The following NTN4 variants were observed in gnomAD, a reference collection of about 807,000 sequenced individuals.
NTN4 encodes the protein netrin-4.
NTN4 carries 32 observed loss-of-function variants against 73.6 expected under a neutral mutation model. That is an observed-to-expected ratio of 0.44 (90% CI 0.33 to 0.58). NTN4 has a LOEUF of 0.58. NTN4 is among the 20% of genes least tolerant of loss of function. NTN4 has a pLI of 0.04. For synonymous variants in NTN4, 258 were observed against 287.5 expected (o/e 0.90, Z 1.04); for missense variants, 654 against 798.3 (o/e 0.82, Z 2.18).
intron 2 of NTN4, among the ~76,000 whole-genome samples, chr12:95,760,597 T>G (rs2078980239): frequency 6.6e-6 from 1 of 152,130 alleles, no homozygotes; most frequent in Admixed American, 6.6e-5. Flanking sequence ...GGGGCAATTG[T>G]AGGGATTGTT....
Position 95,713,154 on chromosome 12 carries a change from C to T in NTN4, c.991+58G>A, listed in dbSNP as rs1017535269. ...TGTATTTCTAGAGACAACAAGGAGTCCACAGATGCGTTGACTTTACAAAGA... is the reference window on the plus strand; with the variant it reads ...TGTATTTCTAGAGACAACAAGGAGTTCACAGATGCGTTGACTTTACAAAGA... On this transcript the variant is annotated intron_variant, in intron 4 of 9. Transcript: ENST00000343702. 2.8e-5 allele frequency: 45 copies of T among 1,579,956 alleles called. No homozygotes were observed. The South Asian group carries it at 4.9e-4, about 17-fold the overall frequency.
chr12:95,746,841 G>A (rs2078866592), intron 2 of NTN4, among the ~76,000 whole-genome samples: 1 of 152,070 alleles, frequency 6.6e-6, no homozygotes, highest in African/African-American at 2.4e-5. Context: ...CACCTCATTT[G>A]TTTCCCTTCT....
intron 9 of NTN4, among the ~76,000 whole-genome samples, chr12:95,664,812 T>A (rs985930375): frequency 6.6e-6 from 1 of 152,026 alleles, no homozygotes; most frequent in Non-Finnish European, 1.5e-5. Flanking sequence ...GGGGTTTCAC[T>A]GTGTTGGCCA....
At chr12:95,664,623 GT>G (rs11396133) in intron 9 of NTN4, among the ~76,000 whole-genome samples, 4 of 151,166 alleles carry the variant, frequency 2.6e-5, no homozygotes, top group Non-Finnish European at 5.9e-5. Context: ...AAAAGACTTT[GT>G]TTTTTTGAGA....
intron 2 of NTN4, among the ~76,000 whole-genome samples, chr12:95,774,529 C>T (rs980230859): frequency 1.3e-5 from 2 of 152,222 alleles, no homozygotes; most frequent in Non-Finnish European, 2.9e-5. Context: ...AAGTAGTTAA[C>T]TGAACAGTCA....
At chr12:95,662,644 C>A (rs1592804857) in intron 9 of NTN4, among the ~76,000 whole-genome samples, 1 of 151,896 alleles carries the variant, frequency 6.6e-6, no homozygotes, top group East Asian at 1.9e-4. Context: ...CTGGAGAGTA[C>A]AATGTAAAAT....
chr12:95,741,493 G>C (rs1266805497), intron 2 of NTN4, among the ~76,000 whole-genome samples: 1 of 118,050 alleles, frequency 8.5e-6, no homozygotes, highest in Non-Finnish European at 1.7e-5. Flanking sequence ...TGCCAACCTG[G>C]AGGATTGTTA....
chr12:95,745,304 T>C (rs543890943), intron 2 of NTN4, among the ~76,000 whole-genome samples: 1 of 152,328 alleles, frequency 6.6e-6, no homozygotes, highest in South Asian at 2.1e-4. Flanking sequence ...TGCCTGAAGC[T>C]GTCCCAGAGC....
At chr12:95,778,044 C>A (rs1312145885) in intron 2 of NTN4, among the ~76,000 whole-genome samples, 2 of 152,136 alleles carry the variant, frequency 1.3e-5, no homozygotes, top group Non-Finnish European at 2.9e-5. Flanking sequence ...AACTGAACAA[C>A]CTGTTCCTGA....
At chr12:95,678,536 G>A (rs950273802) in intron 7 of NTN4, among the ~76,000 whole-genome samples, 1 of 151,898 alleles carries the variant, frequency 6.6e-6, no homozygotes, top group East Asian at 1.9e-4. Flanking sequence ...CTTGATAAAG[G>A]CTACCTATCA....
chr12:95,694,686 A>G (rs1429296084), intron 5 of NTN4, among the ~76,000 whole-genome samples: 2 of 152,166 alleles, frequency 1.3e-5, no homozygotes, highest in East Asian at 3.8e-4. Flanking sequence ...AAAATAAGAA[A>G]AAGTTGTAAA....
chr12:95,697,696 A>C (rs2078452767), intron 5 of NTN4, among the ~76,000 whole-genome samples: 1 of 147,384 alleles, frequency 6.8e-6, no homozygotes, highest in African/African-American at 2.5e-5. Flanking sequence ...TATATATTTT[A>C]TTATTTCTTC....
intron 1 of NTN4, among the ~76,000 whole-genome samples, chr12:95,788,236 C>A (rs2079183741): frequency 6.6e-6 from 1 of 152,176 alleles, no homozygotes; most frequent in Admixed American, 6.5e-5. Flanking sequence ...CTACCTGTGA[C>A]AGGTTATAGA....
At chr12:95,668,257 G>A (rs535425362) in intron 8 of NTN4, among the ~76,000 whole-genome samples, 4 of 151,628 alleles carry the variant, frequency 2.6e-5, no homozygotes, top group South Asian at 2.1e-4. Flanking sequence ...CATTAAGAGC[G>A]TTCAAATTCT....
At chr12:95,750,630 C>T (rs1303566879) in intron 2 of NTN4, among the ~76,000 whole-genome samples, 1 of 152,204 alleles carries the variant, frequency 6.6e-6, no homozygotes, top group Non-Finnish European at 1.5e-5. Flanking sequence ...TTCCTAGCCT[C>T]TGTGCCCAGT....
intron 2 of NTN4, among the ~76,000 whole-genome samples, chr12:95,760,386 G>C (rs938878284): frequency 2.6e-5 from 4 of 152,138 alleles, no homozygotes; most frequent in Admixed American, 1.3e-4. Context: ...TCAGTATTTA[G>C]CCGAAAACTT....
chr12:95,783,147 G>C (rs1211390477), intron 2 of NTN4, among the ~76,000 whole-genome samples: 1 of 152,206 alleles, frequency 6.6e-6, no homozygotes, highest in Admixed American at 6.5e-5. Context: ...CCCCAGGCCT[G>C]TCTGTGCCTT....
intron 2 of NTN4, among the ~76,000 whole-genome samples, chr12:95,744,875 C>A (rs2078850897): frequency 8.9e-6 from 1 of 112,024 alleles, no homozygotes; most frequent in Non-Finnish European, 1.8e-5. Flanking sequence ...CTGAAAAAGT[C>A]TTGACTTCAT....
intron 7 of NTN4, chr12:95,672,296 C>G (rs1397745245): frequency 6.5e-6 from 5 of 769,482 alleles, no homozygotes; most frequent in Non-Finnish European, 1.2e-5. Flanking sequence ...GCCTCCCAAG[C>G]CCGCCGCCAT....
Sources: allele counts gnomAD v4.1 joint callset (sites outside exome capture counted in the v4.1 genomes callset), GRCh38; gene constraint gnomAD v4.1.1; transcripts MANE v1.5; gene names NCBI Gene and HGNC (gene_info 2026-07-23, HGNC 2026-07-21).